Variants in PHACTR1 observed in about 807,000 individuals in gnomAD.
PHACTR1 encodes the protein RPEL repeat containing 1.
PHACTR1 carries 16 observed loss-of-function variants against 69.2 expected under a neutral mutation model. The ratio of observed to expected loss-of-function variants is 0.23; its 90% confidence interval spans 0.16 to 0.35. The LOEUF (loss-of-function observed/expected upper bound fraction) is 0.35, where lower values mean the gene tolerates loss of function less well. Ranked by LOEUF, PHACTR1 falls within the 10% of genes least tolerant of loss-of-function variation. PHACTR1 has a pLI of 1.00. For synonymous variants in PHACTR1, 312 were observed against 284.5 expected (o/e 1.10, Z -0.97); for missense variants, 510 against 734.7 (o/e 0.69, Z 3.54).
intron 5 of PHACTR1, among the ~76,000 whole-genome samples, chr6:13,091,932 G>A (rs1006775812): frequency 2.0e-5 from 3 of 152,134 alleles, no homozygotes; most frequent in Non-Finnish European, 4.4e-5. Flanking sequence ...TGAGTAGCTG[G>A]GACTGCAGGC....
At chr6:12,755,801 C>T (rs994759719) in intron 4 of PHACTR1, among the ~76,000 whole-genome samples, 3 of 152,056 alleles carry the variant, frequency 2.0e-5, no homozygotes, top group South Asian at 2.1e-4. Flanking sequence ...TAAAATTAAA[C>T]GGGTATGTAA....
chr6:12,921,073 G>A (rs990519266), intron 4 of PHACTR1, among the ~76,000 whole-genome samples: 5 of 152,200 alleles, frequency 3.3e-5, no homozygotes, highest in Non-Finnish European at 7.3e-5. Context: ...GAGACACTTA[G>A]GGTGCAGACT....
At chr6:12,846,877 TCA>T (rs1212562027) in intron 4 of PHACTR1, among the ~76,000 whole-genome samples, 2 of 152,086 alleles carry the variant, frequency 1.3e-5, no homozygotes, top group Admixed American at 1.3e-4. Context: ...CCGTCTCAGC[TCA>T]CTGCAGCTTC....
chr6:13,161,187 C>T (rs1758946353), intron 6 of PHACTR1, among the ~76,000 whole-genome samples: 1 of 152,172 alleles, frequency 6.6e-6, no homozygotes. Flanking sequence ...CTATGTTGCC[C>T]AGGCTGGTCT....
rs71707620 is a variant in PHACTR1, at chr6:12,846,987, G to GTT, written c.250+97206_250+97207dup. Among the ~76,000 whole-genome samples the GTT allele has an allele frequency of 5.2e-3, 768 of 147,348 alleles. 10 individuals carry two copies. Among genetic ancestry groups the GTT allele is most frequent in the African/African-American group, 0.017 (680 of 40,242 alleles). The stretch of plus-strand genomic sequence containing the variant: ...ACACACCCTGCTAATTTTTTTCTTT[G>GTT]TTTTTTTTTTGTAGAGATGGAGTTT... On this transcript the variant is annotated intron_variant, in intron 4 of 14. Transcript: ENST00000332995.
chr6:12,830,692 C>T (rs918758206), intron 4 of PHACTR1, among the ~76,000 whole-genome samples: 1 of 151,968 alleles, frequency 6.6e-6, no homozygotes, highest in East Asian at 1.9e-4. Context: ...CGGGTTCAAG[C>T]GATTCTCCTT....
intron 4 of PHACTR1, among the ~76,000 whole-genome samples, chr6:12,869,685 A>T (rs553019732): frequency 6.6e-6 from 1 of 152,306 alleles, no homozygotes; most frequent in African/African-American, 2.4e-5. Context: ...TGTCCTTCAC[A>T]GTCTCTATTC....
intron 5 of PHACTR1, among the ~76,000 whole-genome samples, chr6:13,090,124 G>A (rs1267785157): frequency 5.3e-5 from 8 of 152,022 alleles, no homozygotes; most frequent in Admixed American, 4.6e-4. Flanking sequence ...GCGCGATCTC[G>A]GCTCACTGCA....
chr6:12,781,724 C>T (rs562790546), intron 4 of PHACTR1, among the ~76,000 whole-genome samples: 2 of 152,312 alleles, frequency 1.3e-5, no homozygotes, highest in South Asian at 4.1e-4. Flanking sequence ...CAAGAGTGTT[C>T]CCGAATCTTT....
chr6:13,016,249 G>A (rs550467399), intron 4 of PHACTR1, among the ~76,000 whole-genome samples: 3 of 152,274 alleles, frequency 2.0e-5, no homozygotes, highest in South Asian at 2.1e-4. Context: ...AGATTTCCCC[G>A]ATGTCCTGTT....
chr6:13,160,414 A>T (rs940445189), intron 6 of PHACTR1, 130 bp downstream of exon 6: 1 of 791,112 alleles, frequency 1.3e-6, no homozygotes, highest in African/African-American at 1.7e-5. Context: ...AACTCCAGAC[A>T]GTTCTAGAGA....
intron 4 of PHACTR1, among the ~76,000 whole-genome samples, chr6:12,930,340 G>A (rs1675135381): frequency 6.6e-6 from 1 of 152,126 alleles, no homozygotes. Flanking sequence ...CCACTGCGCT[G>A]GCCAAGAGAA....
At chr6:12,943,111 A>G (rs1305348960) in intron 4 of PHACTR1, among the ~76,000 whole-genome samples, 2 of 152,256 alleles carry the variant, frequency 1.3e-5, no homozygotes, top group African/African-American at 4.8e-5. Flanking sequence ...AGGTAGAAAC[A>G]CCCACAAATG....
At chr6:13,053,281 T>C (rs895564596) in intron 4 of PHACTR1, 84 bp from the exon 5 acceptor site, 10 of 1,337,244 alleles carry the variant, frequency 7.5e-6, no homozygotes, top group Non-Finnish European at 1.0e-5. Context: ...TCTGTAACCA[T>C]GGAAAACGTT....
chr6:13,092,161 T>TGG (rs1813393493), intron 5 of PHACTR1, among the ~76,000 whole-genome samples: 2 of 152,164 alleles, frequency 1.3e-5, no homozygotes, highest in African/African-American at 4.8e-5. Context: ...CAGGTGGTAA[T>TGG]GCAAGTGATG....
intron 6 of PHACTR1, among the ~76,000 whole-genome samples, chr6:13,181,130 T>C (rs767082782): frequency 1.3e-5 from 2 of 152,008 alleles, no homozygotes; most frequent in African/African-American, 2.4e-5. Flanking sequence ...TTGAATCATA[T>C]GCTGTTTCAG....
intron 10 of PHACTR1, among the ~76,000 whole-genome samples, chr6:13,247,566 GA>G (rs1363857201): frequency 2.0e-5 from 3 of 152,030 alleles, no homozygotes; most frequent in African/African-American, 7.3e-5. Flanking sequence ...GGCTGATCTC[GA>G]ACTCCTGACC....
chr6:13,277,053 A>G (rs900148001), intron 11 of PHACTR1, among the ~76,000 whole-genome samples: 7 of 152,200 alleles, frequency 4.6e-5, no homozygotes, highest in African/African-American at 1.7e-4. Flanking sequence ...GCTGACTTCC[A>G]TAGTTTTTCC....
chr6:13,274,064 A>G (rs1379706743), intron 11 of PHACTR1: 1 of 152,264 alleles, frequency 6.6e-6, no homozygotes, highest in Non-Finnish European at 1.5e-5. Context: ...TAGTCTGCTG[A>G]AGGTGGGTGC....
Sources: allele counts gnomAD v4.1 joint callset (sites outside exome capture counted in the v4.1 genomes callset), GRCh38; gene constraint gnomAD v4.1.1; transcripts MANE v1.5; gene names NCBI Gene and HGNC (gene_info 2026-07-23, HGNC 2026-07-21).